BANK1: variants seen among roughly 807,000 people sequenced by gnomAD.
BANK1 encodes B-cell scaffold protein with ankyrin repeats.
BANK1 carries 95 observed loss-of-function variants against 94.5 expected under a neutral mutation model. That is an observed-to-expected ratio of 1.00 (90% CI 0.85 to 1.19). BANK1 has a LOEUF of 1.19. Among genes scored for constraint, BANK1 ranks in the 50% most tolerant of loss-of-function variants. The probability of loss-of-function intolerance (pLI) is 0.00; values close to 1 mark genes in which losing one functional copy is unlikely to be tolerated. For missense variants in BANK1, 987 were observed against 932.2 expected (o/e 1.06, Z -0.77); for synonymous variants, 334 against 308.4 (o/e 1.08, Z -0.87).
rs1322190905 is a variant in BANK1 at position 101,790,923 on chromosome 4, C to T, written c.43C>T (p.Pro15Ser). ...APGKGLGSPD[P>S]APCGPAPPGN... is the part of the protein sequence containing the mutation. ...AGGCAAGGGGCTTGGGAGCCCGGAC[C>T]CCGCCCCCTGCGGCCCAGCGCCCCC... Residue 15 changes from proline to serine, a missense_variant, in exon 1 of 17, where the codon CCC becomes TCC. Physicochemically the swap from Pro to Ser is moderately conservative, Grantham distance 74. Coordinates refer to ENST00000322953, the MANE Select transcript of BANK1 (RefSeq NM_017935.5). 2.0e-6 allele frequency: 3 copies of T among 1,532,784 alleles called. No homozygotes were observed. In the Admixed American group the frequency reaches 6.0e-5, roughly 31 times the overall value. The allele number at this position is 1,532,784 out of a possible 1,614,324, so 94.9% of individuals were successfully genotyped here. A position where few individuals can be genotyped will look rare whatever the true frequency, so the allele number is the denominator to read the frequency against.
At chr4:101,852,878 C>T (rs1403066765) in intron 2 of BANK1, among the ~76,000 whole-genome samples, 1 of 151,886 alleles carries the variant, frequency 6.6e-6, no homozygotes, top group Non-Finnish European at 1.5e-5. Flanking sequence ...TACCTAATAT[C>T]ACAGAAGAAT....
intron 7 of BANK1, among the ~76,000 whole-genome samples, chr4:101,968,400 T>A (rs1724835459): frequency 6.6e-6 from 1 of 152,092 alleles, no homozygotes; most frequent in African/African-American, 2.4e-5. Context: ...TCTGCTGAAA[T>A]GGCACTCTAA....
At chr4:102,009,017 T>C (rs539640842) in intron 7 of BANK1, among the ~76,000 whole-genome samples, 1 of 152,366 alleles carries the variant, frequency 6.6e-6, no homozygotes, top group African/African-American at 2.4e-5. Context: ...CACTCCTCTG[T>C]TGGCATCCAT....
intron 7 of BANK1, among the ~76,000 whole-genome samples, chr4:101,948,914 A>T (rs1724036094): frequency 6.6e-6 from 1 of 152,114 alleles, no homozygotes; most frequent in Non-Finnish European, 1.5e-5. Flanking sequence ...ATATTTTGTT[A>T]ATCATGGATG....
At chr4:101,913,974 C>G (rs1722748267) in intron 6 of BANK1, among the ~76,000 whole-genome samples, 1 of 152,154 alleles carries the variant, frequency 6.6e-6, no homozygotes, top group Non-Finnish European at 1.5e-5. Context: ...TTTTACAAAA[C>G]TTTCAAATCT....
chr4:101,918,217 T>G, intron 7 of BANK1, 28 bp downstream of exon 7: 22 of 1,438,866 alleles, frequency 1.5e-5, no homozygotes, highest in East Asian at 2.4e-5. Flanking sequence ...ATTATATCTC[T>G]GTATATTCTG....
intron 7 of BANK1, among the ~76,000 whole-genome samples, chr4:101,993,042 T>C (rs1039730832): frequency 2.0e-5 from 3 of 152,202 alleles, no homozygotes; most frequent in Non-Finnish European, 4.4e-5. Flanking sequence ...CCTGGACAGC[T>C]AATCCAGACC....
At chr4:102,033,329 G>A (rs1027926270) in intron 10 of BANK1, among the ~76,000 whole-genome samples, 1 of 152,176 alleles carries the variant, frequency 6.6e-6, no homozygotes, top group South Asian at 2.1e-4. Flanking sequence ...AGAACTTGGG[G>A]CCATGACTGG....
chr4:101,814,297 C>T (rs763615563), intron 1 of BANK1, among the ~76,000 whole-genome samples: 6 of 152,062 alleles, frequency 3.9e-5, no homozygotes, highest in Non-Finnish European at 8.8e-5. Context: ...GCAGGTAAAA[C>T]AAATTTTAGA....
At chr4:101,807,362 T>C (rs1725590104) in intron 1 of BANK1, among the ~76,000 whole-genome samples, 1 of 152,014 alleles carries the variant, frequency 6.6e-6, no homozygotes, top group East Asian at 1.9e-4. Context: ...AATAAAATGG[T>C]TGAAAAAATT....
chr4:102,063,093 C>T lies in BANK1; in HGVS notation c.2167C>T (p.Arg723Ter), dbSNP rs759883744. 34 of 1,613,388 alleles carry T rather than the reference C, an allele frequency of 2.1e-5. No individual in the cohort carries two copies. Among genetic ancestry groups the T allele is most frequent in the Middle Eastern group, 1.6e-4 (1 of 6,076 alleles). The change falls in exon 13 of 17, where the codon CGA (arginine) becomes TGA (stop). Residue 723 changes from arginine to a stop codon, truncating the protein, a stop_gained. Transcript: ENST00000322953. LOFTEE classifies it high-confidence loss of function. ...MIQQEKLRQL[R>*]DCIIGKRPEE... ...CATTAAGGAGAAATTACGACAACTA[C>T]GAGACTGCATTATTGGGAAAAGGCC...
chr4:101,813,379 A>G (rs540556195), intron 1 of BANK1, among the ~76,000 whole-genome samples: 1 of 152,154 alleles, frequency 6.6e-6, no homozygotes, highest in African/African-American at 2.4e-5. Flanking sequence ...CTTTTTTCAC[A>G]TTAGCAAAAC....
rs1728192197 is a variant in BANK1 at position 102,055,382 on chromosome 4, GA to G, written c.1970-4826del. Among the ~76,000 whole-genome samples the G allele has an allele frequency of 4.6e-5, 7 of 151,896 alleles. No homozygotes were observed. The South Asian group carries it at 1.5e-3, about 31-fold the overall frequency. On this transcript the variant is annotated intron_variant, in intron 11 of 16. Coordinates refer to ENST00000322953, the MANE Select transcript of BANK1 (RefSeq NM_017935.5). ...AGAGAATAATTTCTCAACATTATCA[GA>G]AATTTCTTATTAGTTCAGAAGTAGA... is the stretch of plus-strand genomic sequence containing the variant.
At chr4:102,004,555 T>C (rs1327488337) in intron 7 of BANK1, among the ~76,000 whole-genome samples, 6 of 152,298 alleles carry the variant, frequency 3.9e-5, no homozygotes, top group African/African-American at 1.2e-4. Flanking sequence ...TGTGAAGTAT[T>C]ATGAAAAACT....
At chr4:101,938,698 A>G (rs1048329653) in intron 7 of BANK1, among the ~76,000 whole-genome samples, 2 of 151,698 alleles carry the variant, frequency 1.3e-5, no homozygotes, top group South Asian at 4.1e-4. Flanking sequence ...ACTTCAGTCC[A>G]TAAAAGCTAT....
intron 2 of BANK1, among the ~76,000 whole-genome samples, chr4:101,850,265 GT>G (rs1727423179): frequency 2.0e-5 from 3 of 151,830 alleles, no homozygotes; most frequent in Non-Finnish European, 4.4e-5. Context: ...TTGTTTGTTT[GT>G]TTGGTTGGTT....
chr4:101,790,990 C>T (rs1213918106), intron 1 of BANK1, 40 bp downstream of exon 1: 3 of 1,440,284 alleles, frequency 2.1e-6, no homozygotes, highest in South Asian at 1.4e-5. Context: ...ACGCCGAGGC[C>T]GGGCTACGGG....
chr4:101,919,218 C>T (rs1009686034), intron 7 of BANK1, among the ~76,000 whole-genome samples: 1 of 151,870 alleles, frequency 6.6e-6, no homozygotes, highest in Admixed American at 6.6e-5. Flanking sequence ...ATTTTAGTTG[C>T]CTGTCTTTAA....
At chr4:101,967,297 C>T (rs1304395487) in intron 7 of BANK1, among the ~76,000 whole-genome samples, 2 of 151,968 alleles carry the variant, frequency 1.3e-5, no homozygotes, top group African/African-American at 2.4e-5. Context: ...GAGACATAGA[C>T]AGTCCAAGAA....
Sources: gnomAD v4.1 joint callset for allele counts (sites outside exome capture counted in the v4.1 genomes callset) on GRCh38, gnomAD v4.1.1 for gene constraint, MANE v1.5 for transcripts, NCBI Gene and HGNC (gene_info 2026-07-23, HGNC 2026-07-21) for gene names.